SSH2: variants seen among roughly 807,000 people sequenced by gnomAD.
SSH2 encodes the protein slingshot protein phosphatase 2, also known as protein phosphatase Slingshot homolog 2.
SSH2 carries 37 observed loss-of-function variants against 135.2 expected under a neutral mutation model. That is an observed-to-expected ratio of 0.27 (90% CI 0.21 to 0.36). The LOEUF (loss-of-function observed/expected upper bound fraction) is 0.36. Among genes scored for constraint, SSH2 ranks in the 10% least tolerant of loss-of-function variants. The pLI is 1.00. For synonymous variants in SSH2, 628 were observed against 646.2 expected (o/e 0.97, Z 0.43); for missense variants, 1,408 against 1,765.3 (o/e 0.80, Z 3.63).
intron 3 of SSH2, among the ~76,000 whole-genome samples, chr17:29,720,500 G>A (rs577230983): frequency 1.3e-5 from 2 of 152,170 alleles, no homozygotes; most frequent in Non-Finnish European, 2.9e-5. Context: ...AACAGAGAAA[G>A]GCATGGTAAA....
chr17:29,813,990 GGCGTGGTGGC>G, intron 2 of SSH2, among the ~76,000 whole-genome samples: 1 of 144,578 alleles, frequency 6.9e-6, no homozygotes, highest in East Asian at 2.0e-4. Flanking sequence ...AAATTAGCCA[GGCGTGGTGGC>G]GCGCTTGTAG....
In SSH2 at chr17:29,929,779, T is replaced by C. The variant is rs2067147820; in HGVS notation, c.63+159A>G. The stretch of plus-strand genomic sequence containing the variant: ...ATCAACGTCTTGTAGTTCCTGCTGC[T>C]AGTCTTTAACATGGGGGTGTGGGGG... On this transcript the variant is annotated intron_variant, in intron 1 of 15. Transcript: ENST00000540801. 7.8e-6 allele frequency: 5 copies of C among 636,988 alleles called. No individual in the cohort carries two copies. In the Admixed American group the frequency reaches 1.4e-4, roughly 17 times the overall value. The allele number at this position is 636,988 out of a possible 1,614,324, so 39.5% of individuals were successfully genotyped here.
chr17:29,744,845 G>A (rs2040699359), intron 3 of SSH2, among the ~76,000 whole-genome samples: 1 of 148,110 alleles, frequency 6.8e-6, no homozygotes, highest in South Asian at 2.2e-4. Flanking sequence ...AAGAAGTTTT[G>A]CTTTGGATTA....
At chr17:29,848,437 C>T (rs773748573) in intron 2 of SSH2, among the ~76,000 whole-genome samples, 17 of 151,980 alleles carry the variant, frequency 1.1e-4, no homozygotes, top group African/African-American at 2.4e-4. Flanking sequence ...GGCCCATGTA[C>T]GTGAGGAATA....
At chr17:29,660,568 C>T (rs906454358) in intron 11 of SSH2, among the ~76,000 whole-genome samples, 2 of 151,808 alleles carry the variant, frequency 1.3e-5, no homozygotes, top group Admixed American at 1.3e-4. Context: ...CCTGGCCAAC[C>T]TCTCTGTCTT....
intron 1 of SSH2, among the ~76,000 whole-genome samples, chr17:29,902,860 G>A (rs560326261): frequency 1.3e-5 from 2 of 151,868 alleles, no homozygotes; most frequent in Non-Finnish European, 2.9e-5. Context: ...ACTATCTCAA[G>A]GTAAAAACAT....
At chr17:29,777,788 A>G (rs1180591875) in intron 3 of SSH2, 1 of 116,412 alleles carries the variant, frequency 8.6e-6, no homozygotes, top group Non-Finnish European at 1.8e-5. Flanking sequence ...ACTATCCCCA[A>G]ACTAGAAAAA....
chr17:29,809,070 A>G (rs548445830), intron 2 of SSH2, among the ~76,000 whole-genome samples: 158 of 152,336 alleles, frequency 1.0e-3, no homozygotes, highest in Non-Finnish European at 1.9e-3. Flanking sequence ...CCTGGCCAAC[A>G]TGGCAAAACT....
At chr17:29,776,907 T>C (rs1285343204) in intron 3 of SSH2, among the ~76,000 whole-genome samples, 2 of 152,230 alleles carry the variant, frequency 1.3e-5, no homozygotes, top group Non-Finnish European at 2.9e-5. Context: ...CATTTTAGAT[T>C]GTGGCTAAAA....
chr17:29,664,554 C>T (rs994861704), intron 11 of SSH2, among the ~76,000 whole-genome samples: 1 of 151,984 alleles, frequency 6.6e-6, no homozygotes, highest in African/African-American at 2.4e-5. Flanking sequence ...AGTGCAGTGG[C>T]ATGATCATGG....
intron 12 of SSH2, among the ~76,000 whole-genome samples, chr17:29,654,725 C>T (rs1443096453): frequency 6.6e-6 from 1 of 152,190 alleles, no homozygotes; most frequent in Admixed American, 6.5e-5. Flanking sequence ...TCTATTGTTA[C>T]AATCAAACTT....
chr17:29,917,363 T>C (rs2066900551), intron 1 of SSH2, among the ~76,000 whole-genome samples: 1 of 152,248 alleles, frequency 6.6e-6, no homozygotes, highest in Non-Finnish European at 1.5e-5. Context: ...CCTTTGGAAC[T>C]GATGTTTTCT....
At chr17:29,695,395 T>C in intron 5 of SSH2, 64 bp downstream of exon 5, 1 of 1,301,814 alleles carries the variant, frequency 7.7e-7, no homozygotes, top group Non-Finnish European at 1.1e-6. Context: ...AAAATGACTG[T>C]TCAATTTTGG....
chr17:29,666,640 G>A (rs991466317), intron 11 of SSH2, among the ~76,000 whole-genome samples: 1 of 152,140 alleles, frequency 6.6e-6, no homozygotes, highest in Non-Finnish European at 1.5e-5. Flanking sequence ...ACGAGATCGT[G>A]CCACCGCACT....
chr17:29,659,556 C>T (rs2036933823), intron 11 of SSH2, among the ~76,000 whole-genome samples: 3 of 152,164 alleles, frequency 2.0e-5, no homozygotes, highest in Non-Finnish European at 2.9e-5. Context: ...ACGAGACTTG[C>T]TCTGTCACCT....
At chr17:29,852,889 C>T (rs2065590153) in intron 1 of SSH2, among the ~76,000 whole-genome samples, 1 of 151,724 alleles carries the variant, frequency 6.6e-6, no homozygotes, top group Non-Finnish European at 1.5e-5. Context: ...TTTCCGGGTT[C>T]TGCAGAGTGA....
chr17:29,781,555 C>T (rs1385391862), intron 3 of SSH2, among the ~76,000 whole-genome samples: 1 of 145,716 alleles, frequency 6.9e-6, no homozygotes, highest in African/African-American at 2.6e-5. Context: ...TCTCAGCTCA[C>T]TGCAACCTCC....
chr17:29,796,737 T>A (rs914407457), intron 2 of SSH2, among the ~76,000 whole-genome samples: 1 of 152,204 alleles, frequency 6.6e-6, no homozygotes, highest in African/African-American at 2.4e-5. Flanking sequence ...AAGTTACTGA[T>A]ATCAGTACAT....
intron 4 of SSH2, among the ~76,000 whole-genome samples, chr17:29,701,024 G>A (rs2038955673): frequency 6.6e-6 from 1 of 151,704 alleles, no homozygotes; most frequent in Non-Finnish European, 1.5e-5. Flanking sequence ...AGGCTGGAGT[G>A]CAGTGGCGTG....
Sources: gnomAD v4.1 joint callset for allele counts (sites outside exome capture counted in the v4.1 genomes callset) on GRCh38, gnomAD v4.1.1 for gene constraint, MANE v1.5 for transcripts, NCBI Gene and HGNC (gene_info 2026-07-23, HGNC 2026-07-21) for gene names.